Variants in NPAS3 observed in about 807,000 individuals in gnomAD.
NPAS3 encodes the protein neuronal PAS domain-containing protein 3.
A neutral mutation model predicts 73.1 loss-of-function variants in NPAS3; 14 were observed. The observed-to-expected ratio is 0.19, with a 90% CI of 0.13 to 0.30. The LOEUF is 0.30. Among genes scored for constraint, NPAS3 ranks in the 10% least tolerant of loss-of-function variants. The probability of loss-of-function intolerance (pLI) is 1.00; values close to 1 mark genes in which losing one functional copy is unlikely to be tolerated. For synonymous variants in NPAS3, 620 were observed against 541.5 expected (o/e 1.14, Z -2.01); for missense variants, 1,096 against 1,250.0 (o/e 0.88, Z 1.86).
intron 4 of NPAS3, among the ~76,000 whole-genome samples, chr14:33,542,474 G>A (rs2054566733): frequency 6.6e-6 from 1 of 152,104 alleles, no homozygotes; most frequent in African/African-American, 2.4e-5. Flanking sequence ...AGCTCCTCCA[G>A]GTTCAGGGAT....
intron 7 of NPAS3, among the ~76,000 whole-genome samples, chr14:33,771,528 G>A (rs1226187118): frequency 6.6e-6 from 1 of 152,050 alleles, no homozygotes. Flanking sequence ...CTGGCATCTG[G>A]TGGCTGGGCG....
chr14:33,497,181 G>A (rs374242498), intron 4 of NPAS3, among the ~76,000 whole-genome samples: 38 of 152,052 alleles, frequency 2.5e-4, no homozygotes, highest in East Asian at 1.5e-3. Context: ...ACAAACCACC[G>A]TTCAACAAAG....
intron 4 of NPAS3, among the ~76,000 whole-genome samples, chr14:33,429,926 A>G (rs890274838): frequency 6.6e-6 from 1 of 152,136 alleles, no homozygotes; most frequent in African/African-American, 2.4e-5. Context: ...CTAAATCAAG[A>G]GTCTGAGGGC....
chr14:33,346,299 TG>T (rs1211409262), intron 3 of NPAS3, among the ~76,000 whole-genome samples: 3 of 145,130 alleles, frequency 2.1e-5, no homozygotes, highest in East Asian at 4.0e-4. Context: ...GAGGCCAAGG[TG>T]GGGGGATTGT....
At chr14:33,177,162 T>G (rs1206529189) in intron 2 of NPAS3, among the ~76,000 whole-genome samples, 1 of 150,716 alleles carries the variant, frequency 6.6e-6, no homozygotes, top group Admixed American at 6.6e-5. Flanking sequence ...AGTGGCGCAG[T>G]CTCGACTCGG....
At chr14:33,256,949 A>G (rs991544537) in intron 3 of NPAS3, among the ~76,000 whole-genome samples, 2 of 152,176 alleles carry the variant, frequency 1.3e-5, no homozygotes, top group African/African-American at 4.8e-5. Context: ...AGGCAAGGTG[A>G]CAAAGAGGTC....
intron 4 of NPAS3, among the ~76,000 whole-genome samples, chr14:33,493,283 G>A (rs116194909): frequency 0.021 from 3,122 of 149,912 alleles, 88 homozygotes; most frequent in African/African-American, 0.07. Flanking sequence ...TCTGACAATC[G>A]GGGGAAGATA....
At chr14:33,358,143 A>G (rs970843872) in intron 3 of NPAS3, among the ~76,000 whole-genome samples, 2 of 152,194 alleles carry the variant, frequency 1.3e-5, no homozygotes, top group Non-Finnish European at 2.9e-5. Flanking sequence ...GTGATACAAC[A>G]GTCTGGTTAG....
intron 4 of NPAS3, among the ~76,000 whole-genome samples, chr14:33,556,536 T>A (rs1248885982): frequency 1.3e-5 from 2 of 152,238 alleles, no homozygotes; most frequent in African/African-American, 4.8e-5. Flanking sequence ...TGAGTGGTTG[T>A]TAGATGCCAG....
At chr14:33,665,419 A>T (rs1383763846) in intron 5 of NPAS3, among the ~76,000 whole-genome samples, 1 of 152,198 alleles carries the variant, frequency 6.6e-6, no homozygotes, top group Non-Finnish European at 1.5e-5. Context: ...TGTTCTGCAC[A>T]TGTATCCCAG....
At chr14:33,726,434 C>T (rs543433474) in intron 6 of NPAS3, among the ~76,000 whole-genome samples, 2 of 152,146 alleles carry the variant, frequency 1.3e-5, no homozygotes, top group Non-Finnish European at 2.9e-5. Flanking sequence ...TTCTGTAAAG[C>T]CTTTTACCAA....
At chr14:33,228,044 T>G (rs1278469547) in intron 3 of NPAS3, among the ~76,000 whole-genome samples, 1 of 152,218 alleles carries the variant, frequency 6.6e-6, no homozygotes, top group Non-Finnish European at 1.5e-5. Flanking sequence ...TACCGTCTAC[T>G]GCAGTGAGCT....
intron 1 of NPAS3, among the ~76,000 whole-genome samples, chr14:33,051,186 A>G (rs1350094336): frequency 2.7e-5 from 4 of 149,680 alleles, no homozygotes; most frequent in Admixed American, 2.7e-4. Context: ...AGGCAGGAGA[A>G]TGGCGTGAAC....
chr14:33,680,713 T>G, intron 6 of NPAS3: 1 of 688,104 alleles, frequency 1.5e-6, no homozygotes, highest in Non-Finnish European at 2.6e-6. Flanking sequence ...GGGGCTCTTG[T>G]GGCTTTTTGG....
chr14:33,587,682 G>A lies in NPAS3; in HGVS notation c.558+27472G>A, dbSNP rs1334592311. 5.9e-5 allele frequency among the ~76,000 whole-genome samples: 9 copies of A among 152,234 alleles called. No individual in the cohort carries two copies. In the East Asian group the frequency reaches 9.6e-4, roughly 16 times the overall value. ...TATTCTTCTTAAAGCTCTGATTTCG[G>A]TGTATACCTGTAGTATACTATAGTG... On this transcript the variant is annotated intron_variant, in intron 5 of 11. Transcript: ENST00000356141.
chr14:33,258,625 G>T (rs1212922761), intron 3 of NPAS3, among the ~76,000 whole-genome samples: 1 of 152,130 alleles, frequency 6.6e-6, no homozygotes, highest in Non-Finnish European at 1.5e-5. Flanking sequence ...ACAGCTAATT[G>T]CTTTGATGTT....
intron 2 of NPAS3, among the ~76,000 whole-genome samples, chr14:33,085,876 A>G (rs1305448880): frequency 6.6e-6 from 1 of 152,208 alleles, no homozygotes; most frequent in Non-Finnish European, 1.5e-5. Flanking sequence ...AGCTGTAACA[A>G]TTCATTGACT....
At chr14:33,636,903 G>GTGCACACACACACACA (rs2058535085) in intron 5 of NPAS3, among the ~76,000 whole-genome samples, 1 of 149,174 alleles carries the variant, frequency 6.7e-6, no homozygotes, top group East Asian at 2.0e-4. Flanking sequence ...CTCGGAGTGT[G>GTGCACACACACACACA]CACACACACA....
At chr14:33,335,333 C>T (rs988082895) in intron 3 of NPAS3, among the ~76,000 whole-genome samples, 1 of 152,070 alleles carries the variant, frequency 6.6e-6, no homozygotes, top group Non-Finnish European at 1.5e-5. Flanking sequence ...TAGGTACATT[C>T]AGGGGTCAAA....
Sources: allele counts gnomAD v4.1 joint callset (sites outside exome capture counted in the v4.1 genomes callset), GRCh38; gene constraint gnomAD v4.1.1; transcripts MANE v1.5; gene names NCBI Gene and HGNC (gene_info 2026-07-23, HGNC 2026-07-21).